Variants in CCDC178 observed in about 807,000 individuals in gnomAD.
CCDC178 encodes the protein coiled-coil domain containing 178, also known as coiled-coil domain-containing protein 178.
In CCDC178, 126 loss-of-function variants were observed where a neutral mutation model predicts 117.4. The observed-to-expected ratio is 1.07, with a 90% CI of 0.93 to 1.24. The LOEUF is 1.24. Among genes scored for constraint, CCDC178 ranks in the 50% most tolerant of loss-of-function variants. The pLI is 0.00. For synonymous variants in CCDC178, 283 were observed against 313.4 expected, an observed-to-expected ratio of 0.90 and a Z score of 1.02; for missense variants, 1,030 against 986.9, an observed-to-expected ratio of 1.04 and a Z score of -0.59.
rs146371479 is a variant in CCDC178, at chr18:33,429,878, A to G, written c.-23+10084T>C. Among the ~76,000 whole-genome samples the G allele has an allele frequency of 7.1e-3, 1,088 of 152,328 alleles. 12 individuals carry two copies. The highest frequency in any genetic ancestry group is 8.9e-3 in the Non-Finnish European group (606 of 68,026). On this transcript the variant is annotated intron_variant, in intron 2 of 22. Transcript: ENST00000383096. ...TTGAGATAGCATTACTGTTAAAGGT[A>G]GATGATATATGCTATTTCCAGCCGT...
At chr18:33,083,708 C>A (rs1567977457) in intron 21 of CCDC178, among the ~76,000 whole-genome samples, 1 of 152,208 alleles carries the variant, frequency 6.6e-6, no homozygotes, top group Non-Finnish European at 1.5e-5. Flanking sequence ...CAGAGAGTAG[C>A]ACTCCATGTG....
At chr18:33,004,454 C>G (rs1452408703) in intron 21 of CCDC178, among the ~76,000 whole-genome samples, 1 of 151,876 alleles carries the variant, frequency 6.6e-6, no homozygotes, top group Non-Finnish European at 1.5e-5. Context: ...GAAACAAGAC[C>G]CTTATCTCTT....
chr18:33,176,730 G>A (rs1057445687), intron 20 of CCDC178, among the ~76,000 whole-genome samples: 3 of 151,888 alleles, frequency 2.0e-5, no homozygotes, highest in Non-Finnish European at 2.9e-5. Context: ...TACACTTTTT[G>A]TTTCATATTT....
intron 20 of CCDC178, among the ~76,000 whole-genome samples, chr18:33,100,348 T>A (rs961615835): frequency 6.7e-6 from 1 of 149,158 alleles, no homozygotes. Flanking sequence ...TTGTTCCCTA[T>A]TACTATTTTT....
At chr18:33,135,748 C>G (rs1320796180) in intron 20 of CCDC178, among the ~76,000 whole-genome samples, 1 of 152,128 alleles carries the variant, frequency 6.6e-6, no homozygotes, top group Admixed American at 6.5e-5. Flanking sequence ...CTAATTTCAA[C>G]AATTTTTGGG....
intron 14 of CCDC178, among the ~76,000 whole-genome samples, chr18:33,254,251 A>AAC (rs34689445): frequency 0.063 from 8,465 of 135,366 alleles, 249 homozygotes; most frequent in African/African-American, 0.073. Context: ...TCTATTGAGA[A>AAC]ACACACACAC....
intron 6 of CCDC178, among the ~76,000 whole-genome samples, chr18:33,357,855 C>T (rs531667740): frequency 6.6e-6 from 1 of 151,490 alleles, no homozygotes; most frequent in African/African-American, 2.4e-5. Flanking sequence ...TGTGTGTATA[C>T]ACACACACAT....
chr18:32,995,290 A>C (rs2055479101), intron 21 of CCDC178, among the ~76,000 whole-genome samples: 1 of 152,216 alleles, frequency 6.6e-6, no homozygotes. Context: ...TTTACAGAAA[A>C]GCAATTGTTA....
intron 21 of CCDC178, among the ~76,000 whole-genome samples, chr18:33,026,334 T>C (rs193030236): frequency 1.3e-5 from 2 of 152,224 alleles, no homozygotes; most frequent in East Asian, 3.9e-4. Context: ...TCTATAGTTT[T>C]GCAAGATGTT....
At chr18:33,406,093 T>C (rs901312081) in intron 3 of CCDC178, among the ~76,000 whole-genome samples, 1 of 152,058 alleles carries the variant, frequency 6.6e-6, no homozygotes, top group African/African-American at 2.4e-5. Context: ...AAGTAAGATA[T>C]TAGTATCATA....
intron 20 of CCDC178, among the ~76,000 whole-genome samples, chr18:33,130,000 G>A (rs1375182854): frequency 2.0e-5 from 3 of 151,762 alleles, no homozygotes; most frequent in Non-Finnish European, 2.9e-5. Flanking sequence ...TTTAATTCTG[G>A]ATTAAATATA....
chr18:33,116,590 G>A (rs1456957969), intron 20 of CCDC178, among the ~76,000 whole-genome samples: 1 of 152,078 alleles, frequency 6.6e-6, no homozygotes, highest in Non-Finnish European at 1.5e-5. Flanking sequence ...CACTTTTCAA[G>A]TCCGTCAGAT....
At chr18:33,230,791 T>C (rs1345862882) in intron 15 of CCDC178, among the ~76,000 whole-genome samples, 1 of 152,234 alleles carries the variant, frequency 6.6e-6, no homozygotes, top group East Asian at 1.9e-4. Flanking sequence ...TGATTCTGAC[T>C]TAGGATTGCA....
chr18:33,389,165 T>C (rs1269137726), intron 5 of CCDC178, among the ~76,000 whole-genome samples: 1 of 152,048 alleles, frequency 6.6e-6, no homozygotes, highest in Admixed American at 6.6e-5. Context: ...ATAAAATAAT[T>C]ATTTAAAAAA....
chr18:33,327,550 G>C (rs1007135952), intron 10 of CCDC178, among the ~76,000 whole-genome samples: 2 of 152,134 alleles, frequency 1.3e-5, no homozygotes, highest in African/African-American at 4.8e-5. Flanking sequence ...CATAGCGGCT[G>C]CACTATTTTT....
intron 11 of CCDC178, among the ~76,000 whole-genome samples, chr18:33,305,632 A>C (rs1264749914): frequency 6.6e-6 from 1 of 152,020 alleles, no homozygotes; most frequent in Non-Finnish European, 1.5e-5. Context: ...CTCTGTTTCT[A>C]TTTACTCCTC....
In CCDC178 at chr18:33,348,911, C is replaced by A. The variant is rs928948040; in HGVS notation, c.436G>T (p.Val146Phe). Residue 146 changes from valine to phenylalanine, a missense_variant, in exon 8 of 23, where the codon GTC becomes TTC. Coordinates refer to ENST00000383096, the MANE Select transcript of CCDC178 (RefSeq NM_001105528.4). The part of the protein sequence containing the change: ...DWSVTTPVKE[V>F]KPGEKRDEKC... ...TTACCTCTCTTTTCTCCTGGTTTGA[C>A]CTCTTTCACTGGTGTAGTTACACTC... 2 of 1,610,180 alleles carry A rather than the reference C, an allele frequency of 1.2e-6. No homozygotes were observed.
chr18:33,160,920 C>G (rs1335842241), intron 20 of CCDC178, among the ~76,000 whole-genome samples: 1 of 152,144 alleles, frequency 6.6e-6, no homozygotes, highest in East Asian at 1.9e-4. Flanking sequence ...CTGATTAATT[C>G]TACCCTTTCT....
chr18:33,345,069 A>G (rs947283440), intron 9 of CCDC178, among the ~76,000 whole-genome samples: 32 of 152,186 alleles, frequency 2.1e-4, no homozygotes, highest in African/African-American at 7.2e-4. Flanking sequence ...TGAGTACACT[A>G]TGACCTATAA....
Sources: gnomAD v4.1 joint callset for allele counts (sites outside exome capture counted in the v4.1 genomes callset) on GRCh38, gnomAD v4.1.1 for gene constraint, MANE v1.5 for transcripts, NCBI Gene and HGNC (gene_info 2026-07-23, HGNC 2026-07-21) for gene names.